The following EGFLAM variants were observed in gnomAD, a reference collection of about 807,000 sequenced individuals.
EGFLAM encodes pikachurin.
In EGFLAM, 79 loss-of-function variants were observed where a neutral mutation model predicts 113.1. The observed-to-expected ratio is 0.70, with a 90% confidence interval of 0.58 to 0.84. The LOEUF is 0.84. EGFLAM is among the 40% of genes least tolerant of loss of function. EGFLAM has a pLI of 0.00. For missense variants in EGFLAM, 1,265 were observed against 1,291.6 expected, an observed-to-expected ratio of 0.98 and a Z score of 0.32; for synonymous variants, 504 against 487.6, an observed-to-expected ratio of 1.03 and a Z score of -0.44.
intron 3 of EGFLAM, among the ~76,000 whole-genome samples, chr5:38,343,627 G>A (rs1739401528): frequency 6.6e-6 from 1 of 152,158 alleles, no homozygotes; most frequent in African/African-American, 2.4e-5. Flanking sequence ...CCAGGGAATA[G>A]AAATCCTTAC....
At chr5:38,349,031 T>C (rs1387647090) in intron 3 of EGFLAM, among the ~76,000 whole-genome samples, 5 of 152,180 alleles carry the variant, frequency 3.3e-5, no homozygotes, top group Non-Finnish European at 7.4e-5. Context: ...TAATCAGGGT[T>C]TGAGAACTAC....
chr5:38,263,317 C>T (rs1026522692), intron 1 of EGFLAM, among the ~76,000 whole-genome samples: 16 of 152,090 alleles, frequency 1.1e-4, no homozygotes, highest in African/African-American at 3.4e-4. Context: ...CAAAAATTAG[C>T]CGGGCTTGGT....
At chr5:38,430,612 CA>C (rs1363423188) in intron 14 of EGFLAM, among the ~76,000 whole-genome samples, 1 of 152,126 alleles carries the variant, frequency 6.6e-6, no homozygotes, top group Non-Finnish European at 1.5e-5. Flanking sequence ...CTATGTTCAT[CA>C]GGGTTCTCCA....
Position 38,367,998 on chromosome 5 carries a change from A to C in EGFLAM, c.546-2298A>C, listed in dbSNP as rs187310663. 1.8e-3 allele frequency among the ~76,000 whole-genome samples: 271 copies of C among 152,338 alleles called. 1 individual carries two copies. The highest frequency in any genetic ancestry group is 7.3e-4 in the Non-Finnish European group (50 of 68,036). On this transcript the variant is annotated intron_variant, in intron 5 of 21. Transcript: ENST00000322350. ...TGCATTAAATGGACAACATGTACAA[A>C]ATCATCTTTTTGTTTTGCTGTAGTT...
At chr5:38,301,125 G>C (rs7732529) in intron 1 of EGFLAM, among the ~76,000 whole-genome samples, 28,446 of 152,078 alleles carry the variant, frequency 0.19, 3,199 homozygotes, top group African/African-American at 0.31. Context: ...GAGAAACTGT[G>C]GTCAGAACAA....
intron 17 of EGFLAM, among the ~76,000 whole-genome samples, chr5:38,446,935 G>T (rs189033122): frequency 6.6e-6 from 1 of 152,114 alleles, no homozygotes; most frequent in South Asian, 2.1e-4. Flanking sequence ...AGAGTCCTTC[G>T]TTCAGTGTCT....
At position 38,406,929 on chromosome 5, in the gene EGFLAM, C is replaced by T. The variant is rs1741305554; in HGVS notation, c.930C>T (p.Pro310=). The part of the protein sequence containing the change: ...SNPKTISRLI[P]PTSASLPVTT... Reference sequence around the variant, plus strand: ...CAAAGACCATTTCTAGGCTCATCCCCCCTACCTCAGCATCTCTCCCTGTGA... The same window carrying T: ...CAAAGACCATTTCTAGGCTCATCCCTCCTACCTCAGCATCTCTCCCTGTGA... Residue 310 remains proline, a synonymous_variant, in exon 8 of 22, where the codon CCC becomes CCT. Transcript: ENST00000322350. 1 of 1,614,054 alleles carries T rather than the reference C, an allele frequency of 6.2e-7. No homozygotes were observed. The highest frequency in any genetic ancestry group is 1.3e-5 in the African/African-American group (1 of 74,914).
intron 1 of EGFLAM, among the ~76,000 whole-genome samples, chr5:38,306,694 G>T (rs577788819): frequency 1.3e-5 from 2 of 152,290 alleles, no homozygotes; most frequent in South Asian, 2.1e-4. Flanking sequence ...CCCAATGTAT[G>T]ATGCCTCCTG....
At chr5:38,429,846 C>T (rs1486881826) in intron 14 of EGFLAM, 1 of 152,632 alleles carries the variant, frequency 6.6e-6, no homozygotes, top group Admixed American at 6.5e-5. Context: ...GTCCATCCAT[C>T]CTTCTTAATT....
chr5:38,445,653 TTC>T, intron 17 of EGFLAM: 1 of 1,598,480 alleles, frequency 6.3e-7, no homozygotes, highest in Non-Finnish European at 8.5e-7. Context: ...ACTCTCCCTG[TTC>T]TCTTTCATGC....
At position 38,414,276 on chromosome 5, in the gene EGFLAM, C is replaced by A. The variant is rs557185245; in HGVS notation, c.1494+1628C>A. On this transcript the variant is annotated intron_variant, in intron 11 of 21. Coordinates refer to ENST00000322350, the MANE Select transcript of EGFLAM (RefSeq NM_152403.4). Reference sequence around the variant, plus strand: ...AAAAGACAGGGTCAGCGAACTGCATCAGTGCCAGGACTATAGGTCTAACAT... The same window carrying A: ...AAAAGACAGGGTCAGCGAACTGCATAAGTGCCAGGACTATAGGTCTAACAT... 2.6e-5 allele frequency among the ~76,000 whole-genome samples: 4 copies of A among 152,296 alleles called. No homozygotes were observed. The South Asian group carries it at 8.3e-4, about 32-fold the overall frequency.
chr5:38,454,858 A>G (rs1743034392), intron 19 of EGFLAM, among the ~76,000 whole-genome samples: 1 of 152,232 alleles, frequency 6.6e-6, no homozygotes, highest in Non-Finnish European at 1.5e-5. Flanking sequence ...ATAGGGAAAA[A>G]CAATGGGATT....
chr5:38,380,871 AT>A (rs1740492002), intron 6 of EGFLAM, among the ~76,000 whole-genome samples: 1 of 152,158 alleles, frequency 6.6e-6, no homozygotes, highest in Admixed American at 6.5e-5. Context: ...GGACACCAAT[AT>A]TTTACCCCCT....
At chr5:38,260,994 C>A (rs1757487870) in intron 1 of EGFLAM, among the ~76,000 whole-genome samples, 1 of 152,160 alleles carries the variant, frequency 6.6e-6, no homozygotes, top group Non-Finnish European at 1.5e-5. Context: ...ATAGACAGTA[C>A]TTTGAAGGTA....
intron 1 of EGFLAM, among the ~76,000 whole-genome samples, chr5:38,330,252 G>T (rs1272542731): frequency 6.6e-6 from 1 of 152,172 alleles, no homozygotes; most frequent in Non-Finnish European, 1.5e-5. Context: ...TCACCAATTG[G>T]ATATACTCTT....
chr5:38,326,393 C>T (rs1231055938), intron 1 of EGFLAM, among the ~76,000 whole-genome samples: 1 of 152,174 alleles, frequency 6.6e-6, no homozygotes, highest in African/African-American at 2.4e-5. Context: ...ATAATCAGGT[C>T]CTCCCTGATG....
chr5:38,424,248 C>A (rs1344971816), intron 12 of EGFLAM, among the ~76,000 whole-genome samples: 1 of 152,204 alleles, frequency 6.6e-6, no homozygotes, highest in African/African-American at 2.4e-5. Context: ...ACAAAGGATA[C>A]CCTTTCTGGA....
chr5:38,274,289 G>T (rs1445294874), intron 1 of EGFLAM, among the ~76,000 whole-genome samples: 18 of 152,146 alleles, frequency 1.2e-4, no homozygotes, highest in Admixed American at 1.2e-3. Context: ...CTTATTTAAA[G>T]AAATCATAGC....
At chr5:38,363,294 T>G (rs189707532) in intron 5 of EGFLAM, among the ~76,000 whole-genome samples, 1 of 152,268 alleles carries the variant, frequency 6.6e-6, no homozygotes, top group Admixed American at 6.5e-5. Flanking sequence ...GGATCACATC[T>G]CTTCTCTTAG....
Sources: gnomAD v4.1 joint callset for allele counts (sites outside exome capture counted in the v4.1 genomes callset) on GRCh38, gnomAD v4.1.1 for gene constraint, MANE v1.5 for transcripts, NCBI Gene and HGNC (gene_info 2026-07-23, HGNC 2026-07-21) for gene names.